Variants in WSB1 observed in about 807,000 individuals in gnomAD.
WSB1 encodes the protein WD repeat and SOCS box-containing protein 1.
In WSB1, 23 loss-of-function variants were observed where a neutral mutation model predicts 50.2. The ratio of observed to expected loss-of-function variants is 0.46; its 90% CI spans 0.33 to 0.65. WSB1 has a LOEUF of 0.65. Ranked by LOEUF, WSB1 falls within the 30% of genes least tolerant of loss-of-function variation. The pLI, the probability that WSB1 is intolerant of heterozygous loss-of-function variation, is 0.02. For missense variants in WSB1, 492 were observed against 522.3 expected (o/e 0.94, Z 0.56); for synonymous variants, 179 against 172.0 (o/e 1.04, Z -0.32).
chr17:27,306,583 G>A (rs142021341), intron 4 of WSB1, among the ~76,000 whole-genome samples, 199 bp from the exon 5 acceptor site: 2 of 152,256 alleles, frequency 1.3e-5, no homozygotes, highest in African/African-American at 2.4e-5. Context: ...CTGCTGTAGA[G>A]CACAACATAA....
Position 27,310,140 on chromosome 17 carries a change from G to T in WSB1, c.964G>T (p.Asp322Tyr). The T allele has an allele frequency of 3.1e-6, 5 of 1,614,050 alleles. No individual in the cohort carries two copies. The highest frequency in any genetic ancestry group is 2.2e-5 in the East Asian group (1 of 44,876). Residue 322 changes from aspartate (D) to tyrosine (Y), a missense_variant, in exon 7 of 9, where the codon GAT (aspartate) becomes TAT (tyrosine). By Grantham distance (160) the Asp-to-Tyr change is radical. Coordinates refer to ENST00000262394, the MANE Select transcript of WSB1 (RefSeq NM_015626.10). ...RWVRSVSFSH[D>Y]GLHVASLADD... ...GGTACGATCTGTATCTTTTAGCCAT[G>T]ATGGACTGCATGTTGCAAGCCTTGC... is the stretch of plus-strand genomic sequence containing the variant.
At chr17:27,308,315 C>A (rs2017538302) in intron 5 of WSB1, 2 of 985,696 alleles carry the variant, frequency 2.0e-6, no homozygotes, top group East Asian at 1.1e-4. Context: ...ACATTAGAAT[C>A]CTGTTTAGAG....
chr17:27,303,848 T>C (rs1567687631), intron 3 of WSB1: 4 of 567,966 alleles, frequency 7.0e-6, no homozygotes, highest in Non-Finnish European at 9.1e-6. Context: ...CATCACTCTT[T>C]AGAGAGTATT....
In WSB1 at chr17:27,312,421, A is replaced by T. The variant is rs1328446200; in HGVS notation, c.*52A>T. On this transcript the variant is annotated 3_prime_UTR_variant, in exon 9 of 9. Transcript: ENST00000262394. The stretch of plus-strand genomic sequence containing the variant: ...GACTGACAGAATACACTTAACACAA[A>T]CCTCAAGCTTTACTGACTTCAATTA... 1.1e-5 allele frequency: 18 copies of T among 1,582,124 alleles called. No individual in the cohort carries two copies. The highest frequency in any genetic ancestry group is 1.4e-5 in the Non-Finnish European group (16 of 1,170,682).
chr17:27,311,651 T>C, intron 8 of WSB1, 35 bp downstream of exon 8: 1 of 1,454,366 alleles, frequency 6.9e-7, no homozygotes. Flanking sequence ...TTTTTTTTTT[T>C]TTTTTTTTGA....
chr17:27,307,667 G>GAAA, intron 5 of WSB1: 1 of 1,442,418 alleles, frequency 6.9e-7, no homozygotes, highest in South Asian at 1.3e-5. Flanking sequence ...CAAATCATAA[G>GAAA]AAGAACAAAA....
intron 5 of WSB1, chr17:27,307,511 C>T (rs2017509580): frequency 1.8e-6 from 1 of 544,494 alleles, no homozygotes; most frequent in Non-Finnish European, 3.2e-6. Context: ...GGTTGAAGTC[C>T]AAATACATGT....
chr17:27,294,305 C>G lies in WSB1; in HGVS notation c.-91C>G. On this transcript the variant is annotated 5_prime_UTR_variant, in exon 1 of 9. Coordinates refer to ENST00000262394, the MANE Select transcript of WSB1 (RefSeq NM_015626.10). ...CCTCTGTCCCTGGGCCCGGGAGGGA[C>G]CAACTTGGCGTCACGCCCCTCAGCG... is the stretch of plus-strand genomic sequence containing the variant. 6.4e-7 allele frequency: 1 copy of G among 1,558,256 alleles called. No homozygotes were observed. The highest frequency in any genetic ancestry group is 8.8e-7 in the Non-Finnish European group (1 of 1,142,172).
intron 5 of WSB1, chr17:27,308,759 C>T: frequency 1.0e-6 from 1 of 992,364 alleles, no homozygotes; most frequent in Non-Finnish European, 1.2e-6. Context: ...GTTTGTAGTA[C>T]TTAACCCTAT....
intron 2 of WSB1, among the ~76,000 whole-genome samples, chr17:27,302,272 G>A (rs187240449): frequency 1.3e-5 from 2 of 152,122 alleles, no homozygotes; most frequent in African/African-American, 2.4e-5. Context: ...CTAGCTGGGC[G>A]TGGTGTGGCA....
At chr17:27,306,518 G>C (rs2017465821) in intron 4 of WSB1, among the ~76,000 whole-genome samples, 1 of 152,022 alleles carries the variant, frequency 6.6e-6, no homozygotes, top group African/African-American at 2.4e-5. Context: ...CCAGGCCCCA[G>C]ACTTTTTCTT....
intron 1 of WSB1, among the ~76,000 whole-genome samples, chr17:27,298,624 G>A (rs911180613): frequency 7.2e-5 from 11 of 152,052 alleles, no homozygotes; most frequent in African/African-American, 1.9e-4. Context: ...AGGCCGAGGC[G>A]GGCGGGTCAC....
chr17:27,308,798 T>G, intron 5 of WSB1: 2 of 1,012,614 alleles, frequency 2.0e-6, no homozygotes, highest in Middle Eastern at 5.0e-4. Flanking sequence ...GTTAATTAGT[T>G]TTTGGAATAA....
chr17:27,298,575 G>A (rs371672712), intron 1 of WSB1, among the ~76,000 whole-genome samples: 3 of 151,906 alleles, frequency 2.0e-5, no homozygotes, highest in Admixed American at 1.3e-4. Flanking sequence ...TTTTTTTGCC[G>A]GGTGCGGTGG....
intron 5 of WSB1, chr17:27,308,128 C>T: frequency 1.1e-5 from 12 of 1,053,048 alleles, no homozygotes; most frequent in Non-Finnish European, 1.4e-5. Flanking sequence ...CTTTCAGATT[C>T]CAGAGATATC....
intron 5 of WSB1, 55 bp from the exon 6 acceptor site, chr17:27,309,045 C>T (rs1017880841): frequency 2.6e-5 from 38 of 1,480,816 alleles, no homozygotes; most frequent in Middle Eastern, 1.8e-4. Context: ...TAAGATGTGC[C>T]ATTTTGTCCT....
intron 4 of WSB1, among the ~76,000 whole-genome samples, chr17:27,305,748 G>GGAC (rs1313425233): frequency 6.6e-6 from 1 of 152,180 alleles, no homozygotes; most frequent in African/African-American, 2.4e-5. Context: ...AAATCATGAA[G>GGAC]GACCTTCTCT....
At chr17:27,294,543 G>A in intron 1 of WSB1, 108 bp downstream of exon 1, 2 of 1,494,536 alleles carry the variant, frequency 1.3e-6, no homozygotes, top group East Asian at 4.8e-5. Flanking sequence ...GAGCTCCAGT[G>A]CGCCAGGGCC....
intron 1 of WSB1, among the ~76,000 whole-genome samples, chr17:27,299,260 C>T (rs1394387881): frequency 6.6e-6 from 1 of 152,132 alleles, no homozygotes; most frequent in African/African-American, 2.4e-5. Flanking sequence ...TCTGTAATCC[C>T]AGTACTTTGG....
Sources: gnomAD v4.1 joint callset for allele counts (sites outside exome capture counted in the v4.1 genomes callset) on GRCh38, gnomAD v4.1.1 for gene constraint, MANE v1.5 for transcripts, NCBI Gene and HGNC (gene_info 2026-07-23, HGNC 2026-07-21) for gene names.